Variants in KCNMB4 observed in about 807,000 individuals in gnomAD.
KCNMB4 encodes the protein potassium calcium-activated channel subfamily M regulatory beta subunit 4.
KCNMB4 carries 3 observed loss-of-function variants against 20.7 expected under a neutral mutation model. The ratio of observed to expected loss-of-function variants is 0.14; its 90% confidence interval spans 0.07 to 0.37. KCNMB4 has a LOEUF of 0.37. Among genes scored for constraint, KCNMB4 ranks in the 10% least tolerant of loss-of-function variants. The probability of loss-of-function intolerance (pLI) is 1.00; values close to 1 mark genes in which losing one functional copy is unlikely to be tolerated. For synonymous variants in KCNMB4, 110 were observed against 113.4 expected (o/e 0.97, Z 0.19); for missense variants, 168 against 265.9 (o/e 0.63, Z 2.56).
intron 2 of KCNMB4, among the ~76,000 whole-genome samples, chr12:70,408,955 C>CA (rs1868692506): frequency 1.3e-5 from 2 of 152,222 alleles, no homozygotes; most frequent in Admixed American, 6.5e-5. Context: ...TCTTTTCATA[C>CA]AATTTCCTTT....
At chr12:70,405,157 C>T (rs1039074580) in intron 2 of KCNMB4, among the ~76,000 whole-genome samples, 2 of 152,122 alleles carry the variant, frequency 1.3e-5, no homozygotes, top group African/African-American at 4.8e-5. Context: ...TGGACTACAT[C>T]ATACTAAATA....
At position 70,366,549 on chromosome 12, in the gene KCNMB4, C is replaced by G. The variant is rs1268792725; in HGVS notation, c.-186C>G. ...GGGGGCTGGGGGGCGCTGCCGCCGC[C>G]GCCGCCGGGGGCGTCGCTGGCCTCG... On this transcript the variant is annotated 5_prime_UTR_variant, in exon 1 of 3. Coordinates refer to ENST00000258111, the MANE Select transcript of KCNMB4 (RefSeq NM_014505.6). 3 of 178,798 alleles carry G rather than the reference C, an allele frequency of 1.7e-5. No individual in the cohort carries two copies. The highest frequency in any genetic ancestry group is 3.3e-5 in the Non-Finnish European group (3 of 92,078). The allele number at this position is 178,798 out of a possible 1,614,324, so 11.1% of individuals were successfully genotyped here. A position where few individuals can be genotyped will look rare whatever the true frequency, so the allele number is the denominator to read the frequency against.
chr12:70,381,116 G>T (rs887365674), intron 1 of KCNMB4, among the ~76,000 whole-genome samples: 16 of 151,346 alleles, frequency 1.1e-4, no homozygotes, highest in African/African-American at 3.9e-4. Flanking sequence ...TCCAAAGAAG[G>T]TATCCAAATG....
chr12:70,427,545 A>G (rs563668065), intron 2 of KCNMB4, among the ~76,000 whole-genome samples: 33 of 152,330 alleles, frequency 2.2e-4, no homozygotes, highest in African/African-American at 7.7e-4. Flanking sequence ...AGTAATTACA[A>G]ATTCAGTATA....
rs1374892697 is a variant in KCNMB4 at position 70,395,726 on chromosome 12, C to G, written c.337-4483C>G. Among the ~76,000 whole-genome samples, 6 of 152,278 alleles carry G rather than the reference C, an allele frequency of 3.9e-5. 1 individual carries two copies. The highest frequency in any genetic ancestry group is 3.9e-4 in the Admixed American group (6 of 15,296). On this transcript the variant is annotated intron_variant, in intron 1 of 2. Coordinates refer to ENST00000258111, the MANE Select transcript of KCNMB4 (RefSeq NM_014505.6). ...TCATGAATGCAAAAGTTCAAAAAAT[C>G]TTTTTCGAAAATATTTTTTCAAAGA...
rs557812664 is a variant in KCNMB4, at chr12:70,377,767, T to G, written c.336+10697T>G. 1.1e-4 allele frequency among the ~76,000 whole-genome samples: 16 copies of G among 152,278 alleles called. No homozygotes were observed. In the South Asian group the frequency reaches 2.7e-3, roughly 26 times the overall value. ...TTTAGGTAATATCTAGGTTAATTGT[T>G]GTCATTTGTCATTTCAACAGTGTTC... On this transcript the variant is annotated intron_variant, in intron 1 of 2. Coordinates refer to ENST00000258111, the MANE Select transcript of KCNMB4 (RefSeq NM_014505.6).
intron 1 of KCNMB4, among the ~76,000 whole-genome samples, chr12:70,396,796 A>G (rs1053796231): frequency 1.3e-5 from 2 of 152,222 alleles, no homozygotes; most frequent in African/African-American, 4.8e-5. Flanking sequence ...TGGTGGAACT[A>G]TTATGAAGCC....
At chr12:70,397,612 T>C (rs1392914125) in intron 1 of KCNMB4, among the ~76,000 whole-genome samples, 1 of 152,186 alleles carries the variant, frequency 6.6e-6, no homozygotes, top group Non-Finnish European at 1.5e-5. Context: ...TACAGAACTT[T>C]ACACACTCAG....
chr12:70,372,230 C>T (rs1883608805), intron 1 of KCNMB4, among the ~76,000 whole-genome samples: 1 of 152,048 alleles, frequency 6.6e-6, no homozygotes, highest in Non-Finnish European at 1.5e-5. Flanking sequence ...AGGTTAGGGT[C>T]CTAAAGAACA....
intron 1 of KCNMB4, among the ~76,000 whole-genome samples, chr12:70,380,366 A>G (rs893204158): frequency 1.3e-5 from 2 of 152,226 alleles, no homozygotes; most frequent in East Asian, 1.9e-4. Flanking sequence ...ACAGATCACC[A>G]TAACAGATAT....
At chr12:70,388,968 C>CT (rs200792819) in intron 1 of KCNMB4, among the ~76,000 whole-genome samples, 6,349 of 142,042 alleles carry the variant, frequency 0.045, 435 homozygotes, top group East Asian at 0.33. Context: ...ATTTTTAGGG[C>CT]TTTTTTTTTT....
chr12:70,397,927 C>T (rs1868369915), intron 1 of KCNMB4, among the ~76,000 whole-genome samples: 1 of 152,178 alleles, frequency 6.6e-6, no homozygotes, highest in African/African-American at 2.4e-5. Context: ...TGGGAAATTT[C>T]TCCTTCGTAG....
chr12:70,377,881 A>G (rs11514302), intron 1 of KCNMB4, among the ~76,000 whole-genome samples: 15,081 of 152,034 alleles, frequency 0.099, 1,068 homozygotes, highest in African/African-American at 0.2. Context: ...CACTTGTTCA[A>G]ATTTTATCAT....
chr12:70,408,329 A>G (rs1451575820), intron 2 of KCNMB4, among the ~76,000 whole-genome samples: 1 of 152,216 alleles, frequency 6.6e-6, no homozygotes, highest in African/African-American at 2.4e-5. Context: ...ATGAAATTAA[A>G]ATAGACTTAC....
In KCNMB4 at chr12:70,366,827, G is replaced by T; in HGVS notation, c.93G>T (p.Ser31=). The change falls in exon 1 of 3, where the codon TCG becomes TCT. Residue 31 remains serine (S), a synonymous_variant. Coordinates refer to ENST00000258111, the MANE Select transcript of KCNMB4 (RefSeq NM_014505.6). The part of the protein sequence containing the change: ...GLFLIISGVV[S]LFIFGFCWLS... ...TTCTCATCATCTCCGGCGTCGTGTC[G>T]CTCTTCATCTTCGGCTTCTGCTGGC... 1 of 1,612,880 alleles carries T rather than the reference G, an allele frequency of 6.2e-7. No individual in the cohort carries two copies. The highest frequency in any genetic ancestry group is 8.5e-7 in the Non-Finnish European group (1 of 1,179,922).
intron 1 of KCNMB4, among the ~76,000 whole-genome samples, chr12:70,378,898 G>A (rs1883735805): frequency 6.6e-6 from 1 of 152,164 alleles, no homozygotes; most frequent in Non-Finnish European, 1.5e-5. Flanking sequence ...TCCATGGGCT[G>A]CAGTATGGAT....
At chr12:70,367,259 G>A (rs541631620) in intron 1 of KCNMB4, among the ~76,000 whole-genome samples, 189 bp downstream of exon 1, 9 of 152,260 alleles carry the variant, frequency 5.9e-5, no homozygotes, top group African/African-American at 2.2e-4. Context: ...TTTCAGGTGG[G>A]TTTACGCGCG....
intron 1 of KCNMB4, among the ~76,000 whole-genome samples, chr12:70,399,355 GCTGACGAAAAT>G (rs1307981593): frequency 3.9e-5 from 6 of 152,172 alleles, no homozygotes; most frequent in Non-Finnish European, 8.8e-5. Flanking sequence ...TGGTTGTAGA[GCTGACGAAAAT>G]CTCAATGTCT....
intron 2 of KCNMB4, among the ~76,000 whole-genome samples, chr12:70,402,305 TCAAAGCATCATAAAGAAATTAGGAAA>T (rs1868473417): frequency 2.0e-5 from 3 of 152,016 alleles, no homozygotes; most frequent in Admixed American, 2.0e-4. Context: ...GAATTTTGAC[TCAAAGCATCATAAAGAAATTAGGAAA>T]TGTATTATTT....
Sources: gnomAD v4.1 joint callset for allele counts (sites outside exome capture counted in the v4.1 genomes callset) on GRCh38, gnomAD v4.1.1 for gene constraint, MANE v1.5 for transcripts, NCBI Gene and HGNC (gene_info 2026-07-23, HGNC 2026-07-21) for gene names.